Variants in ITGA9 observed in about 807,000 individuals in gnomAD.
The protein encoded by ITGA9 is integrin subunit alpha 9, also known as integrin alpha-9.
A neutral mutation model predicts 127.8 loss-of-function variants in ITGA9; 56 were observed. The ratio of observed to expected loss-of-function variants is 0.44; its 90% CI spans 0.35 to 0.55. ITGA9 has a LOEUF of 0.55. ITGA9 is among the 20% of genes least tolerant of loss of function. The probability of loss-of-function intolerance (pLI) is 0.00; values close to 1 mark genes in which losing one functional copy is unlikely to be tolerated. For synonymous variants in ITGA9, 508 were observed against 514.5 expected, an observed-to-expected ratio of 0.99 and a Z score of 0.17; for missense variants, 1,196 against 1,347.1, an observed-to-expected ratio of 0.89 and a Z score of 1.76.
chr3:37,517,399 G>A lies in ITGA9; in HGVS notation c.1036-105G>A, dbSNP rs1393197636. 43 of 864,008 alleles carry A rather than the reference G, an allele frequency of 5.0e-5. No individual in the cohort carries two copies. In the East Asian group the frequency reaches 1.2e-3, roughly 23 times the overall value. 53.5% of individuals were successfully genotyped at this position (864,008 alleles called of 1,614,324 possible). On this transcript the variant is annotated intron_variant, in intron 9 of 27. Transcript: ENST00000264741. ...CCAGGTGTTTCCTGTCAATGAGTGT[G>A]CTCTAGCAGGGCAGCATTCAAACTC... is the stretch of plus-strand genomic sequence containing the variant.
intron 15 of ITGA9, among the ~76,000 whole-genome samples, chr3:37,562,115 A>G (rs1439707977): frequency 6.6e-6 from 1 of 152,190 alleles, no homozygotes; most frequent in Non-Finnish European, 1.5e-5. Context: ...CGGGGCCGTG[A>G]CAGGCATCCC....
intron 15 of ITGA9, among the ~76,000 whole-genome samples, chr3:37,588,850 T>C (rs9879739): frequency 0.64 from 97,807 of 151,970 alleles, 31,810 homozygotes; most frequent in East Asian, 0.74. Context: ...CTTAGTTTCC[T>C]AGCAAGTGCC....
chr3:37,486,767 C>T (rs931215539), intron 4 of ITGA9, among the ~76,000 whole-genome samples: 2 of 152,206 alleles, frequency 1.3e-5, no homozygotes, highest in Non-Finnish European at 2.9e-5. Flanking sequence ...AAAACTTTAA[C>T]TCATGCCATG....
intron 15 of ITGA9, among the ~76,000 whole-genome samples, chr3:37,563,661 G>A (rs764788263): frequency 1.3e-5 from 2 of 152,222 alleles, no homozygotes; most frequent in Admixed American, 6.5e-5. Context: ...GATTCCAGCC[G>A]TGGCTTTGCT....
At chr3:37,716,187 G>A (rs954171361) in intron 18 of ITGA9, among the ~76,000 whole-genome samples, 4 of 152,118 alleles carry the variant, frequency 2.6e-5, no homozygotes, top group Non-Finnish European at 4.4e-5. Flanking sequence ...CAGGAGCCCC[G>A]TGGCCATCCT....
chr3:37,677,139 A>C (rs1700689873), intron 17 of ITGA9, among the ~76,000 whole-genome samples: 1 of 152,160 alleles, frequency 6.6e-6, no homozygotes, highest in African/African-American at 2.4e-5. Context: ...TAATTCATTT[A>C]CCAGCATGCA....
chr3:37,780,102 A>G, intron 25 of ITGA9, 81 bp downstream of exon 25: 2 of 1,554,676 alleles, frequency 1.3e-6, no homozygotes, highest in Middle Eastern at 3.4e-4. Context: ...AAAAAAAAGG[A>G]AAAAGGAAAG....
Position 37,626,625 on chromosome 3 carries a change from A to C in ITGA9, c.1690-2562A>C, listed in dbSNP as rs571448910. Among the ~76,000 whole-genome samples the C allele has an allele frequency of 3.9e-5, 6 of 152,378 alleles. 1 individual carries two copies. In the South Asian group the frequency reaches 1.0e-3, roughly 26 times the overall value. On this transcript the variant is annotated intron_variant, in intron 15 of 27. Transcript: ENST00000264741. ...CTTGAGCTTAAGAGTTCAAGGCTGC[A>C]GTGAGCTATGATTGTCCCACTTCTG...
In ITGA9 at chr3:37,479,117, AT is replaced by A. The variant is rs200951187; in HGVS notation, c.421-2364del. Among the ~76,000 whole-genome samples, 1,014 of 152,264 alleles carry A rather than the reference AT, an allele frequency of 6.7e-3. 6 individuals carry two copies. Among genetic ancestry groups the A allele is most frequent in the Middle Eastern group, 0.014 (4 of 294 alleles). On this transcript the variant is annotated intron_variant, in intron 3 of 27. Transcript: ENST00000264741. Reference sequence around the variant, plus strand: ...ACTTAGCAAAACCAAAACATAACTGATTTACCCACAAATTAGATAACAATAA... The same window carrying A: ...ACTTAGCAAAACCAAAACATAACTGATTACCCACAAATTAGATAACAATAA...
At chr3:37,574,995 A>C (rs1699639363) in intron 15 of ITGA9, among the ~76,000 whole-genome samples, 1 of 152,162 alleles carries the variant, frequency 6.6e-6, no homozygotes, top group Admixed American at 6.5e-5. Context: ...CCTTGGAGGC[A>C]GCTTTGCTGA....
chr3:37,596,882 T>C (rs1458940455), intron 15 of ITGA9, among the ~76,000 whole-genome samples: 1 of 152,124 alleles, frequency 6.6e-6, no homozygotes, highest in Non-Finnish European at 1.5e-5. Context: ...CACAGAAGTC[T>C]CTAGAGCGAC....
At chr3:37,639,005 A>G (rs1183436055) in intron 16 of ITGA9, among the ~76,000 whole-genome samples, 1 of 152,158 alleles carries the variant, frequency 6.6e-6, no homozygotes, top group African/African-American at 2.4e-5. Context: ...GTGAGTGAAT[A>G]GTGGGATTGC....
chr3:37,541,459 C>T (rs915482916), intron 14 of ITGA9, among the ~76,000 whole-genome samples: 1 of 152,152 alleles, frequency 6.6e-6, no homozygotes, highest in Non-Finnish European at 1.5e-5. Flanking sequence ...AAATACATAC[C>T]TATCTATTTA....
At chr3:37,579,670 A>G (rs1405166667) in intron 15 of ITGA9, among the ~76,000 whole-genome samples, 1 of 152,216 alleles carries the variant, frequency 6.6e-6, no homozygotes, top group Non-Finnish European at 1.5e-5. Context: ...GCCATGGTCT[A>G]GAATATATGA....
intron 23 of ITGA9, among the ~76,000 whole-genome samples, chr3:37,769,219 TC>T (rs1696814285): frequency 6.6e-6 from 1 of 151,356 alleles, no homozygotes; most frequent in South Asian, 2.1e-4. Context: ...ACACCCATCA[TC>T]CCAGCTACTC....
Position 37,533,474 on chromosome 3 carries a change from G to A in ITGA9, c.1528+6G>A, listed in dbSNP as rs769910530. On this transcript the variant is annotated splice_donor_region_variant and intron_variant, in intron 14 of 27. Coordinates refer to ENST00000264741, the MANE Select transcript of ITGA9 (RefSeq NM_002207.3). The stretch of plus-strand genomic sequence containing the variant: ...ACACGTTCCAGGAGAGATTGGTAAT[G>A]AGCCACCAAGTCAGGGCTCAGGATA... 3 of 1,613,824 alleles carry A rather than the reference G, an allele frequency of 1.9e-6. No homozygotes were observed. Among genetic ancestry groups the A allele is most frequent in the African/African-American group, 1.3e-5 (1 of 74,922 alleles).
intron 15 of ITGA9, among the ~76,000 whole-genome samples, chr3:37,564,277 A>G (rs1699524234): frequency 6.6e-6 from 1 of 152,158 alleles, no homozygotes; most frequent in East Asian, 1.9e-4. Flanking sequence ...CTTCAGCTTC[A>G]TGTTTTAATA....
rs145245390 is a variant in ITGA9 at position 37,749,999 on chromosome 3, C to T, written c.2434-463C>T. Among the ~76,000 whole-genome samples the T allele has an allele frequency of 9.5e-3, 1,452 of 152,242 alleles. 15 individuals carry two copies. Among genetic ancestry groups the T allele is most frequent in the Non-Finnish European group, 0.016 (1,064 of 68,014 alleles). ...GTTATAAATATGAATCTGCCAGCCC[C>T]ACCCTAGACCTACTGAGTCAGAAAC... On this transcript the variant is annotated intron_variant, in intron 22 of 27. Coordinates refer to ENST00000264741, the MANE Select transcript of ITGA9 (RefSeq NM_002207.3).
intron 15 of ITGA9, 93 bp downstream of exon 15, chr3:37,542,678 T>C (rs1699286452): frequency 1.5e-6 from 2 of 1,341,350 alleles, no homozygotes; most frequent in South Asian, 2.5e-5. Flanking sequence ...GTATTATGTG[T>C]GCTCTTCCAA....
Sources: gnomAD v4.1 joint callset for allele counts (sites outside exome capture counted in the v4.1 genomes callset) on GRCh38, gnomAD v4.1.1 for gene constraint, MANE v1.5 for transcripts, NCBI Gene and HGNC (gene_info 2026-07-23, HGNC 2026-07-21) for gene names.